The following LRCH1 variants were observed in gnomAD, a reference collection of about 807,000 sequenced individuals.
LRCH1 encodes leucine-rich repeat and calponin homology domain-containing protein 1.
In LRCH1, 23 loss-of-function variants were observed where a neutral mutation model predicts 94.9. That is an observed-to-expected ratio of 0.24 (90% CI 0.17 to 0.34). The LOEUF is 0.34. LRCH1 is among the 10% of genes least tolerant of loss of function. The pLI is 1.00. For missense variants in LRCH1, 790 were observed against 945.9 expected, an observed-to-expected ratio of 0.84 and a Z score of 2.16; for synonymous variants, 364 against 354.9, an observed-to-expected ratio of 1.03 and a Z score of -0.29.
intron 6 of LRCH1, among the ~76,000 whole-genome samples, chr13:46,688,428 G>A (rs1189718104): frequency 6.6e-6 from 1 of 152,166 alleles, no homozygotes. Context: ...TTTTAAAAAT[G>A]CAGTATGTGT....
Position 46,687,912 on chromosome 13 carries a change from A to G in LRCH1, c.883A>G (p.Lys295Glu). The G allele has an allele frequency of 6.2e-7, 1 of 1,613,514 alleles. No individual in the cohort carries two copies. The highest frequency in any genetic ancestry group is 1.1e-5 in the South Asian group (1 of 90,894). The part of the protein sequence containing the change: ...KYLSIQACQI[K>E]TADSLYLHTM... The stretch of plus-strand genomic sequence containing the variant: ...TCTGAGCATACAAGCATGCCAGATT[A>G]AGACAGCTGACTCCCTTTATCTCCA... Residue 295 changes from lysine (K) to glutamate (E), a missense_variant, in exon 6 of 20, where the codon AAG becomes GAG. Coordinates refer to ENST00000389797, the MANE Select transcript of LRCH1 (RefSeq NM_001164211.2).
At chr13:46,689,073 G>A (rs1870764164) in intron 6 of LRCH1, 60 bp from the exon 7 acceptor site, 6 of 1,308,572 alleles carry the variant, frequency 4.6e-6, no homozygotes, top group East Asian at 4.7e-5. Context: ...GTTTCTTGGT[G>A]TGAACTTTGT....
chr13:46,665,128 A>G (rs1400587536), intron 2 of LRCH1, among the ~76,000 whole-genome samples: 1 of 152,232 alleles, frequency 6.6e-6, no homozygotes, highest in Non-Finnish European at 1.5e-5. Flanking sequence ...GAAAATACAG[A>G]GGTATATTCC....
At chr13:46,653,515 G>A (rs1945716560) in intron 2 of LRCH1, among the ~76,000 whole-genome samples, 1 of 152,116 alleles carries the variant, frequency 6.6e-6, no homozygotes, top group Non-Finnish European at 1.5e-5. Context: ...TTTTTTACAT[G>A]AGTATAAATG....
At chr13:46,661,362 A>G (rs2051445686) in intron 2 of LRCH1, among the ~76,000 whole-genome samples, 1 of 152,214 alleles carries the variant, frequency 6.6e-6, no homozygotes, top group South Asian at 2.1e-4. Context: ...TAAATAAAAT[A>G]ATCGTCTTAG....
chr13:46,650,437 T>G, intron 2 of LRCH1, 92 bp downstream of exon 2: 1 of 1,072,200 alleles, frequency 9.3e-7, no homozygotes, highest in Non-Finnish European at 1.3e-6. Context: ...CTTTTTGCAA[T>G]TCTTGATTTT....
intron 2 of LRCH1, among the ~76,000 whole-genome samples, chr13:46,668,473 A>G (rs1035778079): frequency 3.9e-5 from 6 of 152,208 alleles, no homozygotes; most frequent in Admixed American, 3.9e-4. Context: ...TGTTTTAACA[A>G]AAGGAAGCTG....
At chr13:46,695,204 G>T (rs1871118295) in intron 9 of LRCH1, among the ~76,000 whole-genome samples, 187 bp downstream of exon 9, 1 of 152,196 alleles carries the variant, frequency 6.6e-6, no homozygotes, top group Non-Finnish European at 1.5e-5. Context: ...TCCCTGCCCT[G>T]TGTGCCTCTC....
chr13:46,639,687 T>C (rs956468951), intron 1 of LRCH1, among the ~76,000 whole-genome samples: 7 of 152,314 alleles, frequency 4.6e-5, no homozygotes, highest in African/African-American at 1.4e-4. Flanking sequence ...GCCAGGAAGA[T>C]GGTCCGACAC....
intron 16 of LRCH1, among the ~76,000 whole-genome samples, chr13:46,716,567 G>A (rs1457192741): frequency 6.6e-6 from 1 of 152,228 alleles, no homozygotes; most frequent in East Asian, 1.9e-4. Context: ...GGAAAGATAC[G>A]TTTTCTGATA....
intron 3 of LRCH1, among the ~76,000 whole-genome samples, chr13:46,681,432 C>A (rs9567719): frequency 0.46 from 69,882 of 151,934 alleles, 16,451 homozygotes; most frequent in East Asian, 0.58. Flanking sequence ...AGCAATATTG[C>A]CCAATGGGTT....
chr13:46,566,138 CAAAT>C (rs1442298547), intron 1 of LRCH1, among the ~76,000 whole-genome samples: 3 of 152,018 alleles, frequency 2.0e-5, no homozygotes, highest in Admixed American at 1.3e-4. Context: ...AACAAGCAAA[CAAAT>C]AAAAAACCAT....
intron 16 of LRCH1, among the ~76,000 whole-genome samples, chr13:46,721,873 G>A (rs187929417): frequency 3.9e-5 from 6 of 152,322 alleles, no homozygotes; most frequent in African/African-American, 7.2e-5. Flanking sequence ...ATCAGAATGT[G>A]AATTCAAGAA....
At chr13:46,622,421 T>C (rs2050891650) in intron 1 of LRCH1, among the ~76,000 whole-genome samples, 1 of 152,182 alleles carries the variant, frequency 6.6e-6, no homozygotes, top group Admixed American at 6.5e-5. Flanking sequence ...CAGGCAAGCA[T>C]CTGCAAGTGT....
chr13:46,679,197 C>T (rs1300639086), intron 3 of LRCH1, among the ~76,000 whole-genome samples: 2 of 152,212 alleles, frequency 1.3e-5, no homozygotes, highest in Non-Finnish European at 2.9e-5. Flanking sequence ...CAACATCACC[C>T]AAGTGACTGT....
chr13:46,663,332 G>C (rs1352141902), intron 2 of LRCH1, among the ~76,000 whole-genome samples: 1 of 108,918 alleles, frequency 9.2e-6, no homozygotes, highest in African/African-American at 2.8e-5. Flanking sequence ...TGAAAGCAAA[G>C]CTTTTGTTGT....
chr13:46,616,073 C>T (rs1193154956), intron 1 of LRCH1, among the ~76,000 whole-genome samples: 1 of 152,154 alleles, frequency 6.6e-6, no homozygotes, highest in Non-Finnish European at 1.5e-5. Context: ...AATTACGATG[C>T]AGTAATGCAT....
Position 46,742,067 on chromosome 13 carries a change from C to T in LRCH1, c.*219C>T, listed in dbSNP as rs558805564. On this transcript the variant is annotated 3_prime_UTR_variant, in exon 20 of 20. Transcript: ENST00000389797. ...CCTCTCACTTACTGAAATACAACGA[C>T]GACGACTGCAAAGTGTATGCACACC... 312 of 1,400,648 alleles carry T rather than the reference C, an allele frequency of 2.2e-4. No homozygotes were observed. Among genetic ancestry groups the T allele is most frequent in the South Asian group, 9.2e-4 (60 of 65,012 alleles). The allele number at this position is 1,400,648 out of a possible 1,614,324, so 86.8% of individuals were successfully genotyped here.
At chr13:46,741,588 A>AT in intron 19 of LRCH1, 54 bp from the exon 20 acceptor site, 1 of 1,608,170 alleles carries the variant, frequency 6.2e-7, no homozygotes, top group South Asian at 1.1e-5. Context: ...TCCTCCGTGT[A>AT]TTTTTAATTG....
Sources: allele counts gnomAD v4.1 joint callset (sites outside exome capture counted in the v4.1 genomes callset), GRCh38; gene constraint gnomAD v4.1.1; transcripts MANE v1.5; gene names NCBI Gene and HGNC (gene_info 2026-07-23, HGNC 2026-07-21).